Variants in UNC5C observed in about 807,000 individuals in gnomAD.
The protein encoded by UNC5C is netrin receptor UNC5C.
UNC5C carries 47 observed loss-of-function variants against 99.8 expected under a neutral mutation model. That is an observed-to-expected ratio of 0.47 (90% CI 0.37 to 0.60). The LOEUF is 0.60. Among genes scored for constraint, UNC5C ranks in the 20% least tolerant of loss-of-function variants. The pLI is 0.00. For missense variants in UNC5C, 1,062 were observed against 1,165.9 expected (o/e 0.91, Z 1.30); for synonymous variants, 487 against 452.2 (o/e 1.08, Z -0.98).
In UNC5C at chr4:95,229,797, CTTTTTTTTTTTTTT is replaced by C. The variant is rs71583694; in HGVS notation, c.1109-9635_1109-9622del. 4.0e-3 allele frequency among the ~76,000 whole-genome samples: 318 copies of C among 79,570 alleles called. 1 individual carries two copies. The highest frequency in any genetic ancestry group is 0.018 in the African/African-American group (295 of 16,010). 52.2% of individuals were successfully genotyped at this position (79,570 alleles called of 152,430 possible). A position where few individuals can be genotyped will look rare whatever the true frequency, so the allele number is the denominator to read the frequency against. On this transcript the variant is annotated intron_variant, in intron 7 of 15. Coordinates refer to ENST00000453304, the MANE Select transcript of UNC5C (RefSeq NM_003728.4). ...TATCCTCCCCAGAATCTGTTGTTTC[CTTTTTTTTTTTTTT>C]TTTTTTTTTTTTTTTTGAGACGGAG...
chr4:95,496,556 T>TA (rs1721635503), intron 1 of UNC5C, among the ~76,000 whole-genome samples: 1 of 151,920 alleles, frequency 6.6e-6, no homozygotes, highest in Non-Finnish European at 1.5e-5. Context: ...TAGTTCATCC[T>TA]AGGTTTTAAA....
At chr4:95,339,103 G>C (rs1204871148) in intron 1 of UNC5C, among the ~76,000 whole-genome samples, 4 of 151,924 alleles carry the variant, frequency 2.6e-5, no homozygotes, top group Non-Finnish European at 5.9e-5. Context: ...TTGGAACTTA[G>C]TTTGTTTTCC....
At chr4:95,195,482 G>A (rs2149357193) in intron 12 of UNC5C, among the ~76,000 whole-genome samples, 1 of 152,236 alleles carries the variant, frequency 6.6e-6, no homozygotes, top group South Asian at 2.1e-4. Flanking sequence ...GGTTGTTTGT[G>A]GGAACTATAA....
intron 2 of UNC5C, among the ~76,000 whole-genome samples, chr4:95,332,233 A>G (rs1278390968): frequency 6.6e-6 from 1 of 151,938 alleles, no homozygotes; most frequent in Non-Finnish European, 1.5e-5. Context: ...TAAAGTTCAT[A>G]TTGAACCAAA....
intron 1 of UNC5C, among the ~76,000 whole-genome samples, chr4:95,390,630 A>G (rs1745329558): frequency 6.6e-6 from 1 of 152,128 alleles, no homozygotes; most frequent in African/African-American, 2.4e-5. Flanking sequence ...TTAGTTCTAA[A>G]GTTGGTGATT....
intron 1 of UNC5C, among the ~76,000 whole-genome samples, chr4:95,403,013 T>A (rs1343877662): frequency 6.6e-6 from 1 of 152,214 alleles, no homozygotes; most frequent in East Asian, 1.9e-4. Context: ...TTCAATTTGA[T>A]GAGTATAAAT....
chr4:95,539,028 A>G (rs1722849686), intron 1 of UNC5C, among the ~76,000 whole-genome samples: 1 of 152,186 alleles, frequency 6.6e-6, no homozygotes, highest in South Asian at 2.1e-4. Context: ...CTTGAAACAA[A>G]CCATCACTTT....
chr4:95,486,051 C>A (rs188780085), intron 1 of UNC5C, among the ~76,000 whole-genome samples: 34 of 151,602 alleles, frequency 2.2e-4, no homozygotes, highest in Non-Finnish European at 4.0e-4. Context: ...AAGAGGCAAC[C>A]TTTGGCTCAA....
At chr4:95,453,343 G>A (rs993806134) in intron 1 of UNC5C, among the ~76,000 whole-genome samples, 1 of 151,994 alleles carries the variant, frequency 6.6e-6, no homozygotes, top group African/African-American at 2.4e-5. Context: ...TTGCTTATAT[G>A]CTAATAAAGC....
intron 1 of UNC5C, among the ~76,000 whole-genome samples, chr4:95,498,243 A>T (rs1721680213): frequency 6.6e-6 from 1 of 151,952 alleles, no homozygotes; most frequent in Non-Finnish European, 1.5e-5. Flanking sequence ...ATTCTTTTTG[A>T]GTTGTTTTAT....
intron 1 of UNC5C, among the ~76,000 whole-genome samples, chr4:95,394,875 C>T (rs1431154801): frequency 6.6e-6 from 1 of 151,872 alleles, no homozygotes; most frequent in Admixed American, 6.6e-5. Flanking sequence ...ACACCAAAAA[C>T]AACAGGCTGT....
chr4:95,288,113 C>T (rs909484476), intron 3 of UNC5C, among the ~76,000 whole-genome samples: 1 of 92,178 alleles, frequency 1.1e-5, no homozygotes, highest in Non-Finnish European at 2.3e-5. Context: ...GAGGGAGTCT[C>T]GCTCTGTCAC....
intron 1 of UNC5C, among the ~76,000 whole-genome samples, chr4:95,518,886 G>A (rs925263314): frequency 1.3e-5 from 2 of 151,982 alleles, no homozygotes; most frequent in Non-Finnish European, 2.9e-5. Flanking sequence ...TGGATACCTT[G>A]GTACTACAGA....
At chr4:95,296,748 C>T (rs954905204) in intron 3 of UNC5C, among the ~76,000 whole-genome samples, 5 of 152,068 alleles carry the variant, frequency 3.3e-5, no homozygotes, top group African/African-American at 1.2e-4. Context: ...TTTCCTTGTG[C>T]CTCCTTTGAT....
intron 3 of UNC5C, among the ~76,000 whole-genome samples, chr4:95,291,861 A>G (rs1741467990): frequency 6.6e-6 from 1 of 152,112 alleles, no homozygotes; most frequent in Non-Finnish European, 1.5e-5. Context: ...AATTGGATTA[A>G]TGTGGGCTTT....
At chr4:95,438,587 A>T (rs1039806821) in intron 1 of UNC5C, among the ~76,000 whole-genome samples, 1 of 152,260 alleles carries the variant, frequency 6.6e-6, no homozygotes, top group South Asian at 2.1e-4. Context: ...TAATATAGTT[A>T]TCACTCAAAA....
intron 1 of UNC5C, among the ~76,000 whole-genome samples, chr4:95,476,055 C>T (rs981223971): frequency 6.6e-6 from 1 of 152,046 alleles, no homozygotes; most frequent in Non-Finnish European, 1.5e-5. Flanking sequence ...CTTAACGGGC[C>T]CATTTTGTTC....
At chr4:95,512,549 C>T (rs1041033394) in intron 1 of UNC5C, among the ~76,000 whole-genome samples, 4 of 152,112 alleles carry the variant, frequency 2.6e-5, no homozygotes, top group African/African-American at 9.7e-5. Flanking sequence ...AATCTTTGGG[C>T]ATTCAAGTTA....
chr4:95,460,485 C>T (rs936718606), intron 1 of UNC5C, among the ~76,000 whole-genome samples: 7 of 152,010 alleles, frequency 4.6e-5, no homozygotes, highest in Non-Finnish European at 7.4e-5. Context: ...ATACTGGGGG[C>T]GGTTTCCCCC....
Sources: allele counts gnomAD v4.1 joint callset (sites outside exome capture counted in the v4.1 genomes callset), GRCh38; gene constraint gnomAD v4.1.1; transcripts MANE v1.5; gene names NCBI Gene and HGNC (gene_info 2026-07-23, HGNC 2026-07-21).